SYNDIG1: variants seen among roughly 807,000 people sequenced by gnomAD.
SYNDIG1 encodes the protein synapse differentiation-inducing gene protein 1.
Under a neutral mutation model 19.4 loss-of-function variants are expected in SYNDIG1, and 9 were observed. The ratio of observed to expected loss-of-function variants is 0.46; its 90% confidence interval spans 0.28 to 0.81. SYNDIG1 has a LOEUF of 0.81. Ranked by LOEUF, SYNDIG1 falls within the 30% of genes least tolerant of loss-of-function variation. The probability of loss-of-function intolerance (pLI) is 0.12; values close to 1 mark genes in which losing one functional copy is unlikely to be tolerated. For synonymous variants in SYNDIG1, 141 were observed against 145.9 expected (o/e 0.97, Z 0.24); for missense variants, 311 against 343.3 (o/e 0.91, Z 0.74).
intron 2 of SYNDIG1, among the ~76,000 whole-genome samples, chr20:24,581,446 G>A (rs2058321478): frequency 6.6e-6 from 1 of 152,068 alleles, no homozygotes; most frequent in Non-Finnish European, 1.5e-5. Flanking sequence ...CTGGAGAAAT[G>A]GCCATTCCCC....
intron 1 of SYNDIG1, among the ~76,000 whole-genome samples, chr20:24,505,428 G>A (rs1184190525): frequency 6.6e-6 from 1 of 152,138 alleles, no homozygotes; most frequent in Non-Finnish European, 1.5e-5. Context: ...GCTCAGAGTG[G>A]CTCCTACATA....
intron 2 of SYNDIG1, among the ~76,000 whole-genome samples, chr20:24,578,090 G>A (rs968472254): frequency 1.3e-5 from 2 of 152,204 alleles, no homozygotes; most frequent in African/African-American, 2.4e-5. Flanking sequence ...CACTGTTCTG[G>A]GCACTTAGGA....
intron 3 of SYNDIG1, among the ~76,000 whole-genome samples, chr20:24,661,310 G>T: frequency 7.2e-6 from 1 of 139,118 alleles, no homozygotes; most frequent in Non-Finnish European, 1.6e-5. Context: ...AGGGAGGGAG[G>T]AAAGGGGAGG....
chr20:24,617,795 G>T (rs1036678184), intron 3 of SYNDIG1, among the ~76,000 whole-genome samples: 3 of 146,876 alleles, frequency 2.0e-5, no homozygotes, highest in African/African-American at 7.6e-5. Context: ...GCCCGGGAAG[G>T]GGGTCCTGGG....
At chr20:24,577,022 A>C (rs1600666879) in intron 2 of SYNDIG1, among the ~76,000 whole-genome samples, 1 of 89,478 alleles carries the variant, frequency 1.1e-5, no homozygotes, top group Admixed American at 1.5e-4. Flanking sequence ...TCTTTCTACA[A>C]AAAAAAAACT....
chr20:24,557,333 T>C (rs1331802208), intron 2 of SYNDIG1, among the ~76,000 whole-genome samples: 1 of 152,258 alleles, frequency 6.6e-6, no homozygotes, highest in Non-Finnish European at 1.5e-5. Context: ...TCCAGCTTTG[T>C]TCCGTTGCTG....
At chr20:24,552,175 T>C (rs543334810) in intron 2 of SYNDIG1, among the ~76,000 whole-genome samples, 2 of 152,322 alleles carry the variant, frequency 1.3e-5, no homozygotes, top group South Asian at 4.1e-4. Flanking sequence ...AATTGTTATA[T>C]CTTGCTGAAC....
At chr20:24,512,393 A>G (rs1048022566) in intron 1 of SYNDIG1, among the ~76,000 whole-genome samples, 3 of 151,616 alleles carry the variant, frequency 2.0e-5, no homozygotes, top group Non-Finnish European at 4.4e-5. Context: ...TTCCTAGCCA[A>G]AGGAAGAGGT....
chr20:24,522,983 T>A (rs1445064486), intron 1 of SYNDIG1, among the ~76,000 whole-genome samples: 1 of 152,146 alleles, frequency 6.6e-6, no homozygotes, highest in Non-Finnish European at 1.5e-5. Flanking sequence ...CCCACACACC[T>A]CCTGTTAGGC....
intron 3 of SYNDIG1, among the ~76,000 whole-genome samples, chr20:24,593,277 G>T (rs753737025): frequency 6.6e-6 from 1 of 152,126 alleles, no homozygotes; most frequent in Non-Finnish European, 1.5e-5. Context: ...GGTTCCACTT[G>T]TAAGTCAGAA....
chr20:24,538,159 C>T (rs541562608), intron 1 of SYNDIG1, among the ~76,000 whole-genome samples: 11 of 152,152 alleles, frequency 7.2e-5, no homozygotes, highest in African/African-American at 1.4e-4. Context: ...GTGTACAGTT[C>T]GGTGGTATTA....
At chr20:24,600,719 A>G (rs539946268) in intron 3 of SYNDIG1, among the ~76,000 whole-genome samples, 1 of 151,560 alleles carries the variant, frequency 6.6e-6, no homozygotes, top group South Asian at 2.1e-4. Flanking sequence ...GGTTCAAGCA[A>G]TTCTCGTGTC....
intron 2 of SYNDIG1, among the ~76,000 whole-genome samples, chr20:24,559,409 A>G (rs2057892046): frequency 6.6e-6 from 1 of 152,182 alleles, no homozygotes; most frequent in African/African-American, 2.4e-5. Context: ...CAATTTATGC[A>G]TGTCATAAAA....
chr20:24,552,496 C>A (rs890887908), intron 2 of SYNDIG1, among the ~76,000 whole-genome samples: 1 of 152,020 alleles, frequency 6.6e-6, no homozygotes, highest in East Asian at 1.9e-4. Context: ...TGTGATGTTC[C>A]CCTTCCTGTG....
intron 1 of SYNDIG1, among the ~76,000 whole-genome samples, chr20:24,521,743 C>T (rs1351798953): frequency 6.6e-6 from 1 of 151,602 alleles, no homozygotes; most frequent in Admixed American, 6.6e-5. Flanking sequence ...ACTAAAAATA[C>T]AAAAAAATTA....
At chr20:24,498,573 A>G (rs575453406) in intron 1 of SYNDIG1, among the ~76,000 whole-genome samples, 2 of 152,144 alleles carry the variant, frequency 1.3e-5, no homozygotes, top group South Asian at 2.1e-4. Flanking sequence ...GAGTTTAACT[A>G]TGTTAGATTC....
chr20:24,555,950 G>A (rs2057805897), intron 2 of SYNDIG1, among the ~76,000 whole-genome samples: 1 of 152,120 alleles, frequency 6.6e-6, no homozygotes, highest in Admixed American at 6.5e-5. Context: ...AAGTCTCTTT[G>A]TAGGTCACTC....
chr20:24,642,262 G>A (rs916288560), intron 3 of SYNDIG1, among the ~76,000 whole-genome samples: 1 of 152,176 alleles, frequency 6.6e-6, no homozygotes, highest in African/African-American at 2.4e-5. Context: ...TTGGTCTGAT[G>A]TCTTTATTAG....
chr20:24,568,856 C>T (rs932832542), intron 2 of SYNDIG1, among the ~76,000 whole-genome samples: 5 of 152,188 alleles, frequency 3.3e-5, no homozygotes, highest in Admixed American at 2.0e-4. Flanking sequence ...TCACCTGAAC[C>T]GAAGGTGGTC....
Sources: allele counts gnomAD v4.1 joint callset (sites outside exome capture counted in the v4.1 genomes callset), GRCh38; gene constraint gnomAD v4.1.1; transcripts MANE v1.5; gene names NCBI Gene and HGNC (gene_info 2026-07-23, HGNC 2026-07-21).